The following CTNNA3 variants were observed in gnomAD, a reference collection of about 807,000 sequenced individuals.
CTNNA3 encodes catenin alpha 3.
Under a neutral mutation model 95.7 loss-of-function variants are expected in CTNNA3, and 76 were observed. The observed-to-expected ratio is 0.79, with a 90% confidence interval of 0.66 to 0.96. The LOEUF is 0.96. Ranked by LOEUF, CTNNA3 falls within the 40% of genes least tolerant of loss-of-function variation. CTNNA3 has a pLI of 0.00. For synonymous variants in CTNNA3, 431 were observed against 374.4 expected (o/e 1.15, Z -1.74); for missense variants, 1,191 against 1,089.8 (o/e 1.09, Z -1.31).
intron 11 of CTNNA3, among the ~76,000 whole-genome samples, chr10:66,437,745 T>C (rs1216688757): frequency 1.3e-5 from 2 of 152,202 alleles, no homozygotes; most frequent in African/African-American, 4.8e-5. Context: ...GTTCCCTTGC[T>C]GGCGAGGAGT....
intron 12 of CTNNA3, among the ~76,000 whole-genome samples, chr10:66,315,160 A>G (rs1159781015): frequency 7.2e-5 from 11 of 151,888 alleles, no homozygotes. Flanking sequence ...GAAGTAAGTA[A>G]TTTTCCTCCT....
intron 7 of CTNNA3, among the ~76,000 whole-genome samples, chr10:66,995,321 G>T (rs909024517): frequency 1.3e-5 from 2 of 151,998 alleles, no homozygotes; most frequent in African/African-American, 4.8e-5. Context: ...CAAGTCCTGG[G>T]AATTACACAG....
intron 8 of CTNNA3, among the ~76,000 whole-genome samples, chr10:66,773,336 G>A (rs945816157): frequency 2.0e-5 from 3 of 152,176 alleles, no homozygotes; most frequent in Non-Finnish European, 4.4e-5. Flanking sequence ...AGAGGAAATA[G>A]CATTCTCTGA....
At chr10:66,468,287 G>A (rs140688928) in intron 11 of CTNNA3, among the ~76,000 whole-genome samples, 130 of 152,096 alleles carry the variant, frequency 8.5e-4, no homozygotes, top group African/African-American at 2.8e-3. Context: ...AGTGTACAGA[G>A]AGATTACACC....
intron 15 of CTNNA3, among the ~76,000 whole-genome samples, chr10:66,028,161 G>T (rs1054218184): frequency 3.3e-5 from 5 of 152,170 alleles, no homozygotes; most frequent in Non-Finnish European, 7.3e-5. Context: ...CTGTAAACTA[G>T]TGCAACCATC....
At chr10:66,820,425 T>C (rs1842266783) in intron 7 of CTNNA3, among the ~76,000 whole-genome samples, 1 of 151,954 alleles carries the variant, frequency 6.6e-6, no homozygotes, top group African/African-American at 2.4e-5. Context: ...CACAATTTTG[T>C]GAATATATTA....
rs755128231 is a variant in CTNNA3, at chr10:67,219,742, T to C, written c.708A>G (p.Ala236=). Residue 236 remains alanine (A), a synonymous_variant, in exon 6 of 18, where the codon GCA becomes GCG. Transcript: ENST00000433211. ...LEHSDVASLK[A]SKDTVCEEIQ... ...TTTCTTCACAAACTGTGTCCTTGCTTGCTTTGAGGGAAGCAACATCAGAAT... is the reference window on the plus strand; with the variant it reads ...TTTCTTCACAAACTGTGTCCTTGCTCGCTTTGAGGGAAGCAACATCAGAAT... 2 of 1,614,100 alleles carry C rather than the reference T, an allele frequency of 1.2e-6. No individual in the cohort carries two copies. Among genetic ancestry groups the C allele is most frequent in the South Asian group, 2.2e-5 (2 of 91,074 alleles).
At chr10:66,753,367 A>G (rs1283558287) in intron 9 of CTNNA3, among the ~76,000 whole-genome samples, 1 of 152,138 alleles carries the variant, frequency 6.6e-6, no homozygotes. Flanking sequence ...TTCAAAATTA[A>G]TATACAAATA....
chr10:67,091,003 G>A (rs1341428171), intron 7 of CTNNA3, among the ~76,000 whole-genome samples: 6 of 151,940 alleles, frequency 3.9e-5, no homozygotes, highest in South Asian at 2.1e-4. Flanking sequence ...GAGTCAAGCC[G>A]GTAGAAAGGT....
At chr10:66,427,148 T>C (rs1398351325) in intron 11 of CTNNA3, among the ~76,000 whole-genome samples, 2 of 152,014 alleles carry the variant, frequency 1.3e-5, no homozygotes, top group African/African-American at 4.8e-5. Flanking sequence ...TTTAGTTGCA[T>C]ACAGTGTGCT....
chr10:66,197,974 TAGTA>T (rs528249608), intron 13 of CTNNA3, among the ~76,000 whole-genome samples: 27 of 152,156 alleles, frequency 1.8e-4, no homozygotes, highest in Non-Finnish European at 3.2e-4. Context: ...TAAAAATCAT[TAGTA>T]AGTGACTCAT....
chr10:66,346,230 T>C (rs1380962483), intron 12 of CTNNA3, among the ~76,000 whole-genome samples: 2 of 65,230 alleles, frequency 3.1e-5, no homozygotes, highest in Non-Finnish European at 6.0e-5. Flanking sequence ...TATATATATA[T>C]ATATATATAT....
At chr10:66,655,950 G>T (rs1846060760) in intron 9 of CTNNA3, among the ~76,000 whole-genome samples, 2 of 152,084 alleles carry the variant, frequency 1.3e-5, no homozygotes, top group South Asian at 4.1e-4. Flanking sequence ...GGAAGACGTG[G>T]CTCATATCTG....
At chr10:66,747,298 C>G (rs1333031925) in intron 9 of CTNNA3, among the ~76,000 whole-genome samples, 2 of 152,156 alleles carry the variant, frequency 1.3e-5, no homozygotes, top group East Asian at 3.9e-4. Flanking sequence ...CCTTCCTACT[C>G]TTAGGAAAAT....
intron 5 of CTNNA3, among the ~76,000 whole-genome samples, chr10:67,399,422 T>A (rs1051364700): frequency 2.6e-5 from 4 of 152,164 alleles, no homozygotes; most frequent in African/African-American, 9.6e-5. Context: ...AAATTGTAAA[T>A]CATTTCATTA....
intron 7 of CTNNA3, among the ~76,000 whole-genome samples, chr10:66,806,957 A>G (rs932974842): frequency 1.3e-5 from 2 of 152,080 alleles, no homozygotes; most frequent in African/African-American, 4.8e-5. Context: ...AAACACAGGT[A>G]AATGGATGAG....
At chr10:66,439,733 T>C (rs959550944) in intron 11 of CTNNA3, among the ~76,000 whole-genome samples, 2 of 152,074 alleles carry the variant, frequency 1.3e-5, no homozygotes, top group African/African-American at 2.4e-5. Flanking sequence ...AATCACAAAA[T>C]AGATTCATTT....
rs75698272 is a variant in CTNNA3, at chr10:66,103,400, C to G, written c.1885-151G>C. 37 of 645,622 alleles carry G rather than the reference C, an allele frequency of 5.7e-5. No individual in the cohort carries two copies. The East Asian group carries it at 1.0e-3, about 18-fold the overall frequency. The allele number at this position is 645,622 out of a possible 1,614,324, so 40.0% of individuals were successfully genotyped here. On this transcript the variant is annotated intron_variant, in intron 13 of 17. Coordinates refer to ENST00000433211, the MANE Select transcript of CTNNA3 (RefSeq NM_013266.4). ...GTTATATACTCAAGAGAAAGGAAGGCATATGTCCACACAAATACGTATACA... is the reference window on the plus strand; with the variant it reads ...GTTATATACTCAAGAGAAAGGAAGGGATATGTCCACACAAATACGTATACA...
At chr10:67,654,350 C>T (rs553753230) in intron 1 of CTNNA3, among the ~76,000 whole-genome samples, 2 of 152,294 alleles carry the variant, frequency 1.3e-5, no homozygotes, top group South Asian at 4.1e-4. Context: ...CTTCCCAATA[C>T]AAACGTTAAA....
Sources: allele counts gnomAD v4.1 joint callset (sites outside exome capture counted in the v4.1 genomes callset), GRCh38; gene constraint gnomAD v4.1.1; transcripts MANE v1.5; gene names NCBI Gene and HGNC (gene_info 2026-07-23, HGNC 2026-07-21).